INO80: variants seen among roughly 807,000 people sequenced by gnomAD.
The protein encoded by INO80 is chromatin-remodeling ATPase INO80.
A neutral mutation model predicts 203.4 loss-of-function variants in INO80; 20 were observed. The observed-to-expected ratio is 0.10, with a 90% confidence interval of 0.07 to 0.14. INO80 has a LOEUF of 0.14. INO80 is among the 10% of genes least tolerant of loss of function. INO80 has a pLI of 1.00. For missense variants in INO80, 1,419 were observed against 1,914.4 expected, an observed-to-expected ratio of 0.74 and a Z score of 4.83; for synonymous variants, 726 against 685.2, an observed-to-expected ratio of 1.06 and a Z score of -0.93.
intron 6 of INO80, among the ~76,000 whole-genome samples, chr15:41,086,348 T>A (rs1319955743): frequency 6.6e-6 from 1 of 152,132 alleles, no homozygotes; most frequent in Non-Finnish European, 1.5e-5. Context: ...GGAGCCTTTT[T>A]GAGTACAATT....
At chr15:41,006,728 A>G (rs1476808549) in intron 27 of INO80, among the ~76,000 whole-genome samples, 1 of 152,228 alleles carries the variant, frequency 6.6e-6, no homozygotes, top group African/African-American at 2.4e-5. Context: ...GGTACATGTG[A>G]AGCGAAGCTG....
At chr15:41,037,666 G>A (rs1379616717) in intron 24 of INO80, among the ~76,000 whole-genome samples, 1 of 152,096 alleles carries the variant, frequency 6.6e-6, no homozygotes, top group African/African-American at 2.4e-5. Context: ...AGTTGGGCTG[G>A]GTGTGGTGGC....
intron 16 of INO80, among the ~76,000 whole-genome samples, chr15:41,057,087 G>A (rs1311801114): frequency 6.6e-6 from 1 of 152,210 alleles, no homozygotes; most frequent in Non-Finnish European, 1.5e-5. Flanking sequence ...TCCAGTATGA[G>A]TTTGGAGAGA....
At chr15:41,012,528 A>C (rs1304576636) in intron 27 of INO80, among the ~76,000 whole-genome samples, 8 of 124,536 alleles carry the variant, frequency 6.4e-5, no homozygotes, top group Non-Finnish European at 1.3e-4. Context: ...CCGCCATTGC[A>C]CTCCAGCCTG....
rs1319819864 is a variant in INO80 at position 41,027,651 on chromosome 15, A to T, written c.2993T>A (p.Leu998Gln). The T allele has an allele frequency of 6.2e-7, 1 of 1,613,918 alleles. No homozygotes were observed. Among genetic ancestry groups the T allele is most frequent in the African/African-American group, 1.3e-5 (1 of 74,954 alleles). ...VHQRRSATSS[L>Q]RRCLLTELPS... ...CAGCTCAGTGAGCAGGCAGCGACGC[A>T]GCGAGGAGGTAGCTGATCTCCGCTG... The change falls in exon 25 of 36, where the codon CTG becomes CAG. Residue 998 changes from leucine (L) to glutamine (Q), a missense_variant. By Grantham distance (113) the Leu-to-Gln change is moderately radical. Transcript: ENST00000648947.
chr15:41,072,005 T>G lies in INO80; in HGVS notation c.1449A>C (p.Ala483=). The G allele has an allele frequency of 6.2e-7, 1 of 1,612,510 alleles. No individual in the cohort carries two copies. Among genetic ancestry groups the G allele is most frequent in the East Asian group, 2.2e-5 (1 of 44,768 alleles). Residue 483 remains alanine (A), a synonymous_variant, in exon 12 of 36, where the codon GCA becomes GCC. Transcript: ENST00000648947. ...CAAACCCAGTGCCAGACTTGTTTGC[T>G]GCCCGTAGGGCAGCTGCTCGACTTT... ...AKESRAAALR[A]ANKSGTGFGE...
intron 30 of INO80, among the ~76,000 whole-genome samples, chr15:40,987,528 TC>T (rs2043754968): frequency 6.6e-6 from 1 of 152,302 alleles, no homozygotes; most frequent in South Asian, 2.1e-4. Flanking sequence ...AAAATGTCCA[TC>T]CTTCTTCCAC....
intron 24 of INO80, among the ~76,000 whole-genome samples, chr15:41,037,763 C>T (rs1471112514): frequency 6.6e-6 from 1 of 151,500 alleles, no homozygotes; most frequent in African/African-American, 2.4e-5. Context: ...GCCCACATGG[C>T]GAAACCCCAC....
Position 40,983,754 on chromosome 15 carries a change from G to A in INO80, c.4237+8C>T, listed in dbSNP as rs773369087. 6.2e-7 allele frequency: 1 copy of A among 1,611,916 alleles called. No homozygotes were observed. Among genetic ancestry groups the A allele is most frequent in the East Asian group, 2.2e-5 (1 of 44,876 alleles). On this transcript the variant is annotated splice_region_variant and intron_variant, in intron 34 of 35. Coordinates refer to ENST00000648947, the MANE Select transcript of INO80 (RefSeq NM_017553.3). ...CAGGCCCAAGCTGTACAAGACAGCA[G>A]CAATTACCATTCACGGTATCTGAGA...
intron 7 of INO80, among the ~76,000 whole-genome samples, chr15:41,083,240 G>A (rs373708333): frequency 7.1e-4 from 101 of 142,936 alleles, no homozygotes; most frequent in African/African-American, 2.5e-3. Context: ...AGCCGAGATC[G>A]CACTCCAGCC....
intron 1 of INO80, among the ~76,000 whole-genome samples, chr15:41,097,787 T>C: frequency 6.6e-6 from 1 of 151,628 alleles, no homozygotes; most frequent in Non-Finnish European, 1.5e-5. Context: ...AATACAAAAA[T>C]ACTAAAAATA....
chr15:41,102,192 A>C (rs1435987929), intron 1 of INO80, among the ~76,000 whole-genome samples: 1 of 152,032 alleles, frequency 6.6e-6, no homozygotes, highest in East Asian at 1.9e-4. Flanking sequence ...CTCCATCTCA[A>C]AAAAAGAAGA....
intron 1 of INO80, among the ~76,000 whole-genome samples, chr15:41,114,230 A>T (rs1361082287): frequency 6.6e-6 from 1 of 151,366 alleles, no homozygotes; most frequent in Non-Finnish European, 1.5e-5. Flanking sequence ...TCACGCCACT[A>T]TACTCCAGCC....
chr15:40,986,758 T>G (rs1339991190), intron 31 of INO80, among the ~76,000 whole-genome samples: 1 of 152,180 alleles, frequency 6.6e-6, no homozygotes, highest in Admixed American at 6.5e-5. Flanking sequence ...CCCAAAGTGC[T>G]GGAATTACAG....
intron 29 of INO80, among the ~76,000 whole-genome samples, chr15:40,992,101 A>G (rs1477246236): frequency 5.3e-5 from 8 of 152,206 alleles, no homozygotes; most frequent in African/African-American, 1.9e-4. Flanking sequence ...CTAGAAGAAC[A>G]AGTGGGAAAA....
Position 41,059,118 on chromosome 15 carries a change from ATTT to A in INO80, c.1843-340_1843-338del, listed in dbSNP as rs532599830. Among the ~76,000 whole-genome samples the A allele has an allele frequency of 6.0e-5, 9 of 149,958 alleles. No individual in the cohort carries two copies. The South Asian group carries it at 1.9e-3, about 32-fold the overall frequency. ...AGGCATATACCACCATGCCCGGCTA[ATTT>A]TTTTATTTTATTTTATTTTATGTAG... On this transcript the variant is annotated intron_variant, in intron 15 of 35. Coordinates refer to ENST00000648947, the MANE Select transcript of INO80 (RefSeq NM_017553.3).
intron 27 of INO80, among the ~76,000 whole-genome samples, chr15:41,009,249 T>C (rs184514857): frequency 7.0e-4 from 105 of 150,868 alleles, no homozygotes; most frequent in African/African-American, 2.2e-3. Flanking sequence ...TTTTTTATTA[T>C]ACTTTAAGTT....
chr15:41,008,088 C>T (rs1233819539), intron 27 of INO80, among the ~76,000 whole-genome samples: 1 of 152,148 alleles, frequency 6.6e-6, no homozygotes, highest in African/African-American at 2.4e-5. Flanking sequence ...GTGGGAAGAT[C>T]ATCTGAGCCC....
chr15:41,006,732 G>A (rs949213523), intron 27 of INO80, among the ~76,000 whole-genome samples: 1 of 152,178 alleles, frequency 6.6e-6, no homozygotes, highest in Non-Finnish European at 1.5e-5. Context: ...CATGTGAAGC[G>A]AAGCTGGTCA....
Sources: allele counts gnomAD v4.1 joint callset (sites outside exome capture counted in the v4.1 genomes callset), GRCh38; gene constraint gnomAD v4.1.1; transcripts MANE v1.5; gene names NCBI Gene and HGNC (gene_info 2026-07-23, HGNC 2026-07-21).